CDH18: variants seen among roughly 807,000 people sequenced by gnomAD.
CDH18 encodes cadherin 18, also known as cadherin-18.
In CDH18, 31 loss-of-function variants were observed where a neutral mutation model predicts 67.9. That is an observed-to-expected ratio of 0.46 (90% CI 0.34 to 0.62). CDH18 has a LOEUF of 0.62. Ranked by LOEUF, CDH18 falls within the 20% of genes least tolerant of loss-of-function variation. CDH18 has a pLI of 0.01. For missense variants in CDH18, 890 were observed against 975.5 expected (o/e 0.91, Z 1.17); for synonymous variants, 362 against 347.2 (o/e 1.04, Z -0.48).
At chr5:19,689,495 A>G (rs1167809251) in intron 5 of CDH18, among the ~76,000 whole-genome samples, 1 of 152,036 alleles carries the variant, frequency 6.6e-6, no homozygotes, top group Non-Finnish European at 1.5e-5. Context: ...GAAGGAATTT[A>G]TAACTATTAG....
At chr5:20,434,981 T>C (rs1580991856) in intron 1 of CDH18, among the ~76,000 whole-genome samples, 1 of 152,096 alleles carries the variant, frequency 6.6e-6, no homozygotes, top group Admixed American at 6.6e-5. Flanking sequence ...TTTATTTCAC[T>C]GATCTTCCTG....
At chr5:20,224,797 G>C (rs1413540127) in intron 2 of CDH18, among the ~76,000 whole-genome samples, 2 of 152,046 alleles carry the variant, frequency 1.3e-5, no homozygotes, top group African/African-American at 4.8e-5. Context: ...TTGCAAGAGT[G>C]TGCTTTGAAA....
At chr5:19,993,520 A>T (rs80343004) in intron 2 of CDH18, among the ~76,000 whole-genome samples, 117 of 152,240 alleles carry the variant, frequency 7.7e-4, no homozygotes, top group Non-Finnish European at 1.3e-3. Flanking sequence ...GCATTCATTC[A>T]GTTGACAAAG....
At chr5:20,510,602 G>T (rs1754974565) in intron 1 of CDH18, among the ~76,000 whole-genome samples, 1 of 151,928 alleles carries the variant, frequency 6.6e-6, no homozygotes, top group Non-Finnish European at 1.5e-5. Flanking sequence ...AAAAATGTGG[G>T]ATTCTATCAT....
intron 5 of CDH18, among the ~76,000 whole-genome samples, chr5:19,625,166 T>C (rs1751337822): frequency 6.6e-6 from 1 of 152,176 alleles, no homozygotes; most frequent in Non-Finnish European, 1.5e-5. Context: ...GCTGTCCTCA[T>C]ACCACCCTCA....
intron 5 of CDH18, among the ~76,000 whole-genome samples, chr5:19,712,977 G>C (rs1764899127): frequency 6.6e-6 from 1 of 151,656 alleles, no homozygotes; most frequent in Non-Finnish European, 1.5e-5. Context: ...TGTTTAATCA[G>C]GTTTAAAGAC....
At chr5:20,322,889 C>T (rs960681370) in intron 1 of CDH18, among the ~76,000 whole-genome samples, 1 of 151,908 alleles carries the variant, frequency 6.6e-6, no homozygotes, top group African/African-American at 2.4e-5. Context: ...TGCCATTAAC[C>T]AATTCCTTTT....
At chr5:20,225,388 C>A (rs1580522011) in intron 2 of CDH18, among the ~76,000 whole-genome samples, 1 of 152,014 alleles carries the variant, frequency 6.6e-6, no homozygotes, top group South Asian at 2.1e-4. Context: ...TAGATAAATG[C>A]ATAAAGGATC....
At position 19,868,723 on chromosome 5, in the gene CDH18, G is replaced by A. The variant is rs571285175; in HGVS notation, c.-256-29481C>T. ...CTATAAAATGAAACGTATGTTCATG[G>A]GCATTCCTCCCCAGTGCTCAATCCT... On this transcript the variant is annotated intron_variant, in intron 2 of 12. Coordinates refer to ENST00000382275, the MANE Select transcript of CDH18 (RefSeq NM_004934.5). Among the ~76,000 whole-genome samples the A allele has an allele frequency of 4.6e-5, 7 of 152,130 alleles. No individual in the cohort carries two copies. In the East Asian group the frequency reaches 1.4e-3, roughly 30 times the overall value.
At chr5:20,225,705 A>T (rs1046671342) in intron 2 of CDH18, among the ~76,000 whole-genome samples, 1 of 152,098 alleles carries the variant, frequency 6.6e-6, no homozygotes, top group Non-Finnish European at 1.5e-5. Flanking sequence ...AGTACAGGAG[A>T]GCAAGTACTT....
At chr5:20,279,730 C>CAAAAAAAAAAAAAAAAAAAAAAAAA (rs1309866477) in intron 1 of CDH18, among the ~76,000 whole-genome samples, 8 of 66,698 alleles carry the variant, frequency 1.2e-4, no homozygotes, top group East Asian at 5.3e-4. Flanking sequence ...AAAAAAAAAG[C>CAAAAAAAAAAAAAAAAAAAAAAAAA]AAAAACTGTA....
intron 4 of CDH18, among the ~76,000 whole-genome samples, chr5:19,724,512 TACACACAC>T (rs34923644): frequency 6.0e-5 from 9 of 148,890 alleles, no homozygotes; most frequent in East Asian, 2.0e-4. Flanking sequence ...CACACAGACA[TACACACAC>T]ACACACACAC....
intron 2 of CDH18, among the ~76,000 whole-genome samples, chr5:19,918,052 A>G (rs979073370): frequency 2.6e-5 from 4 of 152,108 alleles, no homozygotes; most frequent in Non-Finnish European, 5.9e-5. Context: ...ACTGGGCAAT[A>G]TTATAATTCT....
At chr5:20,197,819 G>A (rs1739104230) in intron 2 of CDH18, among the ~76,000 whole-genome samples, 1 of 152,144 alleles carries the variant, frequency 6.6e-6, no homozygotes, top group Non-Finnish European at 1.5e-5. Context: ...AGAATTACAG[G>A]CATAAGTTCT....
chr5:19,725,290 C>A (rs574829672), intron 4 of CDH18, among the ~76,000 whole-genome samples: 1 of 152,274 alleles, frequency 6.6e-6, no homozygotes, highest in African/African-American at 2.4e-5. Context: ...AAGCCTCCAA[C>A]TTATTCAGAG....
chr5:19,503,221 A>C (rs13179779), intron 10 of CDH18, 112 bp from the exon 11 acceptor site: 1 of 605,564 alleles, frequency 1.7e-6, no homozygotes, highest in Non-Finnish European at 2.9e-6. Flanking sequence ...TTTTCTTCCA[A>C]CTTGAGTTAT....
intron 1 of CDH18, among the ~76,000 whole-genome samples, chr5:20,342,203 G>C (rs1487673421): frequency 6.6e-6 from 1 of 152,142 alleles, no homozygotes; most frequent in Non-Finnish European, 1.5e-5. Flanking sequence ...GATTGGAAAA[G>C]AATGGGACCC....
intron 2 of CDH18, among the ~76,000 whole-genome samples, chr5:20,220,300 T>C (rs79852878): frequency 0.041 from 6,302 of 151,858 alleles, 384 homozygotes; most frequent in East Asian, 0.28. Flanking sequence ...TGAAACAGAA[T>C]AGAGAACCCA....
chr5:19,530,734 T>C (rs1040741822), intron 9 of CDH18, among the ~76,000 whole-genome samples: 1 of 152,212 alleles, frequency 6.6e-6, no homozygotes, highest in Admixed American at 6.5e-5. Flanking sequence ...GTTTCCGGTT[T>C]CATCCATGTC....
Sources: gnomAD v4.1 joint callset for allele counts (sites outside exome capture counted in the v4.1 genomes callset) on GRCh38, gnomAD v4.1.1 for gene constraint, MANE v1.5 for transcripts, NCBI Gene and HGNC (gene_info 2026-07-23, HGNC 2026-07-21) for gene names.